Variants in SGCZ observed in about 807,000 individuals in gnomAD.
SGCZ encodes the protein sarcoglycan zeta, also known as zeta-sarcoglycan.
Under a neutral mutation model 41.3 loss-of-function variants are expected in SGCZ, and 40 were observed. The observed-to-expected ratio is 0.97, with a 90% CI of 0.75 to 1.26. SGCZ has a LOEUF of 1.26. Ranked by LOEUF, SGCZ falls within the 50% of genes most tolerant of loss-of-function variation. SGCZ has a pLI of 0.00. For missense variants in SGCZ, 552 were observed against 369.8 expected (o/e 1.49, Z -4.04); for synonymous variants, 206 against 137.5 (o/e 1.50, Z -3.49).
At chr8:14,633,572 T>A (rs1329380464) in intron 1 of SGCZ, among the ~76,000 whole-genome samples, 1 of 151,896 alleles carries the variant, frequency 6.6e-6, no homozygotes, top group Admixed American at 6.6e-5. Context: ...GGAACTATAT[T>A]TTACACAACT....
Position 14,551,534 on chromosome 8 carries a change from A to ATATATAATATATATTATATATATAT in SGCZ, c.234+3197_234+3198insATATATATATAATATATATTATATA. On this transcript the variant is annotated intron_variant, in intron 2 of 7. Transcript: ENST00000382080. ...ATATATATTATATATAATATATATA[A>ATATATAATATATATTATATATATAT]TATATATAATATATATAATATATAT... 5.2e-3 allele frequency among the ~76,000 whole-genome samples: 41 copies of ATATATAATATATATTATATATATAT among 7,832 alleles called. 1 individual carries two copies. The highest frequency in any genetic ancestry group is 8.3e-3 in the South Asian group (2 of 242). The allele number at this position is 7,832 out of a possible 152,430, so 5.1% of individuals were successfully genotyped here.
At chr8:14,543,654 G>C (rs767440642) in intron 2 of SGCZ, among the ~76,000 whole-genome samples, 1 of 152,048 alleles carries the variant, frequency 6.6e-6, no homozygotes, top group Non-Finnish European at 1.5e-5. Context: ...AGGAATCACG[G>C]ATCCTACTTG....
chr8:14,302,024 C>G (rs987832353), intron 3 of SGCZ, among the ~76,000 whole-genome samples: 3 of 152,150 alleles, frequency 2.0e-5, no homozygotes, highest in Non-Finnish European at 4.4e-5. Context: ...CACTGATTTA[C>G]AAAGAATACT....
At chr8:14,986,764 A>C (rs1336228705) in intron 1 of SGCZ, among the ~76,000 whole-genome samples, 1 of 151,990 alleles carries the variant, frequency 6.6e-6, no homozygotes. Flanking sequence ...AGTGAGCTGG[A>C]GAAGCCTAAG....
chr8:15,037,896 T>A (rs1454723690), intron 1 of SGCZ, among the ~76,000 whole-genome samples: 1 of 151,794 alleles, frequency 6.6e-6, no homozygotes, highest in Non-Finnish European at 1.5e-5. Context: ...AAACCAGAAA[T>A]AAGGCTTACC....
chr8:14,537,635 A>G (rs1803336278), intron 2 of SGCZ, among the ~76,000 whole-genome samples: 2 of 151,370 alleles, frequency 1.3e-5, no homozygotes, highest in East Asian at 3.9e-4. Flanking sequence ...CATCCATCAG[A>G]GATTTAATAC....
Position 14,257,360 on chromosome 8 carries a change from G to A in SGCZ, c.337-19681C>T, listed in dbSNP as rs567895992. ...AGACCCTGTCTCCAGAAAAAAAAAA[G>A]AAGAAAGAAAACAAAACAAAAACAC... is the stretch of plus-strand genomic sequence containing the variant. On this transcript the variant is annotated intron_variant, in intron 3 of 7. Coordinates refer to ENST00000382080, the MANE Select transcript of SGCZ (RefSeq NM_139167.4). 5.1e-4 allele frequency among the ~76,000 whole-genome samples: 77 copies of A among 151,022 alleles called. No homozygotes were observed. In the East Asian group the frequency reaches 0.014, roughly 28 times the overall value.
At chr8:14,957,604 C>T (rs762361867) in intron 1 of SGCZ, among the ~76,000 whole-genome samples, 1 of 151,890 alleles carries the variant, frequency 6.6e-6, no homozygotes, top group Non-Finnish European at 1.5e-5. Context: ...TTGAGGTAAA[C>T]TCAAGATTTC....
intron 1 of SGCZ, among the ~76,000 whole-genome samples, chr8:15,145,225 C>G (rs890297780): frequency 3.9e-5 from 6 of 152,108 alleles, no homozygotes; most frequent in African/African-American, 1.4e-4. Flanking sequence ...CTCTTTTGTA[C>G]CTATAGCTGA....
chr8:14,349,285 T>C (rs542105397), intron 2 of SGCZ, among the ~76,000 whole-genome samples: 3 of 152,226 alleles, frequency 2.0e-5, no homozygotes, highest in African/African-American at 4.8e-5. Flanking sequence ...TCCCAACTCC[T>C]CACCTATAAA....
Position 14,846,887 on chromosome 8 carries a change from C to A in SGCZ, c.40-291961G>T, listed in dbSNP as rs114462692. The stretch of plus-strand genomic sequence containing the variant: ...GAGTTTGAGACCAGCCTGGGCAACT[C>A]GGTGAAACGACATCTCTACTAAAAT... On this transcript the variant is annotated intron_variant, in intron 1 of 7. Coordinates refer to ENST00000382080, the MANE Select transcript of SGCZ (RefSeq NM_139167.4). Among the ~76,000 whole-genome samples the A allele has an allele frequency of 2.5e-3, 380 of 151,644 alleles. 2 individuals carry two copies. Among genetic ancestry groups the A allele is most frequent in the African/African-American group, 8.8e-3 (364 of 41,366 alleles).
intron 1 of SGCZ, among the ~76,000 whole-genome samples, chr8:14,598,391 C>T (rs1230292078): frequency 1.3e-5 from 2 of 151,754 alleles, no homozygotes; most frequent in African/African-American, 2.4e-5. Context: ...TCCTAATTGC[C>T]GGTTCCCTTC....
At chr8:14,245,324 G>C (rs10097606) in intron 3 of SGCZ, among the ~76,000 whole-genome samples, 1 of 152,080 alleles carries the variant, frequency 6.6e-6, no homozygotes, top group Non-Finnish European at 1.5e-5. Context: ...TGACAAACCT[G>C]ACAAAAACAA....
intron 1 of SGCZ, among the ~76,000 whole-genome samples, chr8:15,199,015 A>G (rs565001990): frequency 1.3e-5 from 2 of 152,306 alleles, no homozygotes; most frequent in African/African-American, 4.8e-5. Context: ...ATTCTACCAT[A>G]TGAGAGTATT....
At chr8:14,237,484 AAACAAC>A in intron 4 of SGCZ, 102 bp downstream of exon 4, 7 of 889,966 alleles carry the variant, frequency 7.9e-6, no homozygotes, top group Non-Finnish European at 1.2e-5. Flanking sequence ...CTCTGTCTCA[AAACAAC>A]AACAACAACA....
At chr8:14,639,362 T>A (rs1242260335) in intron 1 of SGCZ, among the ~76,000 whole-genome samples, 1 of 151,638 alleles carries the variant, frequency 6.6e-6, no homozygotes, top group Non-Finnish European at 1.5e-5. Context: ...TTCCCTCCGT[T>A]AGTAATGAGC....
At chr8:14,367,711 G>A (rs532024143) in intron 2 of SGCZ, among the ~76,000 whole-genome samples, 9 of 152,040 alleles carry the variant, frequency 5.9e-5, no homozygotes, top group South Asian at 2.1e-4. Flanking sequence ...TCCCTATCAC[G>A]GGAATATCAA....
At chr8:14,815,654 A>T (rs1801881359) in intron 1 of SGCZ, among the ~76,000 whole-genome samples, 1 of 152,214 alleles carries the variant, frequency 6.6e-6, no homozygotes, top group South Asian at 2.1e-4. Flanking sequence ...TCAAACTACT[A>T]TGTCATTATC....
chr8:14,634,767 G>A (rs1000248236), intron 1 of SGCZ, among the ~76,000 whole-genome samples: 1 of 151,580 alleles, frequency 6.6e-6, no homozygotes, highest in East Asian at 1.9e-4. Context: ...GAACAAGAAA[G>A]AAATATCAAA....
Sources: gnomAD v4.1 joint callset for allele counts (sites outside exome capture counted in the v4.1 genomes callset) on GRCh38, gnomAD v4.1.1 for gene constraint, MANE v1.5 for transcripts, NCBI Gene and HGNC (gene_info 2026-07-23, HGNC 2026-07-21) for gene names.